Variants in TTC27 observed in about 807,000 individuals in gnomAD.
The protein encoded by TTC27 is tetratricopeptide repeat domain 27.
A neutral mutation model predicts 115.9 loss-of-function variants in TTC27; 79 were observed. That is an observed-to-expected ratio of 0.68 (90% CI 0.57 to 0.82). The LOEUF (loss-of-function observed/expected upper bound fraction) is 0.82, where lower values mean the gene tolerates loss of function less well. Among genes scored for constraint, TTC27 ranks in the 40% least tolerant of loss-of-function variants. The probability of loss-of-function intolerance (pLI) is 0.00; values close to 1 mark genes in which losing one functional copy is unlikely to be tolerated. For missense variants in TTC27, 1,054 were observed against 993.1 expected (o/e 1.06, Z -0.82); for synonymous variants, 401 against 356.0 (o/e 1.13, Z -1.42).
intron 9 of TTC27, among the ~76,000 whole-genome samples, chr2:32,696,428 T>G (rs1408882409): frequency 1.3e-5 from 2 of 151,912 alleles, no homozygotes; most frequent in Non-Finnish European, 2.9e-5. Flanking sequence ...TAGCTGGGAT[T>G]CCAGGTGCCC....
intron 12 of TTC27, among the ~76,000 whole-genome samples, chr2:32,748,541 T>C (rs1216000566): frequency 6.6e-6 from 1 of 152,200 alleles, no homozygotes. Flanking sequence ...AATATTATTG[T>C]TCAGTTGTTT....
chr2:32,646,261 C>T (rs1029578011), intron 4 of TTC27, among the ~76,000 whole-genome samples: 3 of 150,048 alleles, frequency 2.0e-5, no homozygotes, highest in African/African-American at 7.4e-5. Flanking sequence ...ATCTCCTGAC[C>T]TCGTGATCCA....
At chr2:32,782,278 T>C (rs533361537) in intron 14 of TTC27, among the ~76,000 whole-genome samples, 316 of 152,222 alleles carry the variant, frequency 2.1e-3, no homozygotes, top group African/African-American at 7.3e-3. Flanking sequence ...ATTTTTAAGA[T>C]AGGAAAAAAC....
chr2:32,649,031 T>TA (rs994456443), intron 4 of TTC27, among the ~76,000 whole-genome samples: 1 of 151,502 alleles, frequency 6.6e-6, no homozygotes, highest in Non-Finnish European at 1.5e-5. Flanking sequence ...AAATAAAAAA[T>TA]AAAAAAAAGC....
chr2:32,703,599 C>T (rs1426959878), intron 10 of TTC27, among the ~76,000 whole-genome samples: 6 of 152,094 alleles, frequency 3.9e-5, no homozygotes, highest in African/African-American at 1.4e-4. Flanking sequence ...CATCCTGATG[C>T]AAAAAATATT....
At position 32,812,587 on chromosome 2, in the gene TTC27, T is replaced by TGTTCAAAGAGCCTTAGGACTTGCAC. The variant is rs1671352108; in HGVS notation, c.2281_2305dup (p.His769ArgfsTer16). ...AAGATATTACATCATTTAAGGAAGT[T>TGTTCAAAGAGCCTTAGGACTTGCAC]GTTCAAAGAGCCTTAGGACTTGCAC... On this transcript the variant is annotated frameshift_variant, in exon 18 of 20. Coordinates refer to ENST00000317907, the MANE Select transcript of TTC27 (RefSeq NM_017735.5). LOFTEE classifies it high-confidence loss of function. 1 of 1,613,892 alleles carries TGTTCAAAGAGCCTTAGGACTTGCAC rather than the reference T, an allele frequency of 6.2e-7. No individual in the cohort carries two copies. Among genetic ancestry groups the TGTTCAAAGAGCCTTAGGACTTGCAC allele is most frequent in the African/African-American group, 1.3e-5 (1 of 74,942 alleles).
intron 12 of TTC27, among the ~76,000 whole-genome samples, chr2:32,739,763 C>T (rs940122018): frequency 8.5e-5 from 13 of 152,068 alleles, no homozygotes; most frequent in Non-Finnish European, 1.8e-4. Flanking sequence ...AGTTTTGCTG[C>T]AATTTAGAAG....
intron 12 of TTC27, among the ~76,000 whole-genome samples, chr2:32,738,025 T>C (rs1406950331): frequency 6.6e-6 from 1 of 152,056 alleles, no homozygotes; most frequent in African/African-American, 2.4e-5. Context: ...CAAAAAAATA[T>C]TGATAGAGTT....
At chr2:32,712,552 T>A (rs1258987905) in intron 10 of TTC27, among the ~76,000 whole-genome samples, 1 of 151,986 alleles carries the variant, frequency 6.6e-6, no homozygotes, top group African/African-American at 2.4e-5. Flanking sequence ...AAATTCTTTT[T>A]TTTTCTTTTT....
At position 32,700,786 on chromosome 2, in the gene TTC27, C is replaced by T. The variant is rs575766334; in HGVS notation, c.1120-2021C>T. Among the ~76,000 whole-genome samples, 85 of 152,240 alleles carry T rather than the reference C, an allele frequency of 5.6e-4. 1 individual carries two copies. Among genetic ancestry groups the T allele is most frequent in the Admixed American group, 4.1e-3 (62 of 15,278 alleles). On this transcript the variant is annotated intron_variant, in intron 9 of 19. Transcript: ENST00000317907. ...AACTCCTGACCTTAGGTGATCCACCCGCGTCAGCCTCCCAAAGTGCTGGGA... is the reference window on the plus strand; with the variant it reads ...AACTCCTGACCTTAGGTGATCCACCTGCGTCAGCCTCCCAAAGTGCTGGGA...
At chr2:32,632,922 T>C (rs966265203) in intron 2 of TTC27, among the ~76,000 whole-genome samples, 2 of 152,214 alleles carry the variant, frequency 1.3e-5, no homozygotes, top group African/African-American at 4.8e-5. Flanking sequence ...AAAACAAACA[T>C]GATATGCAAA....
At chr2:32,754,049 G>T (rs1384665965) in intron 12 of TTC27, among the ~76,000 whole-genome samples, 1 of 151,036 alleles carries the variant, frequency 6.6e-6, no homozygotes, top group African/African-American at 2.4e-5. Flanking sequence ...CTCCAGCCTG[G>T]GCGACAGAAG....
chr2:32,664,102 C>G (rs1271085127), intron 5 of TTC27, among the ~76,000 whole-genome samples: 2 of 152,040 alleles, frequency 1.3e-5, no homozygotes, highest in Non-Finnish European at 2.9e-5. Flanking sequence ...ATGTCCTTAG[C>G]TCATGTCTGG....
At position 32,817,458 on chromosome 2, in the gene TTC27, G is replaced by T. The variant is rs1297174155; in HGVS notation, c.2310G>T (p.Val770=). ...TTTCTCTCCATACTTATCTTCCAGT[G>T]GCCATAAAATGCAGTAAAAACAAAT... ...VVQRALGLAH[V]AIKCSKNKSS... The change falls in exon 19 of 20, where the codon GTG becomes GTT. Residue 770 remains valine, a splice_region_variant and synonymous_variant. Transcript: ENST00000317907. 4.3e-6 allele frequency: 7 copies of T among 1,612,514 alleles called. No individual in the cohort carries two copies. The highest frequency in any genetic ancestry group is 5.9e-6 in the Non-Finnish European group (7 of 1,178,808).
chr2:32,655,577 T>G (rs1009324297), intron 5 of TTC27, among the ~76,000 whole-genome samples: 1 of 152,232 alleles, frequency 6.6e-6, no homozygotes, highest in Non-Finnish European at 1.5e-5. Flanking sequence ...TATAAAATAA[T>G]GTGACGTTTT....
At chr2:32,767,462 T>TG (rs1207887668) in intron 13 of TTC27, among the ~76,000 whole-genome samples, 9 of 142,816 alleles carry the variant, frequency 6.3e-5, no homozygotes, top group Non-Finnish European at 1.2e-4. Context: ...TGTTTTTTTT[T>TG]TTTTTTTTGA....
intron 2 of TTC27, 62 bp from the exon 3 acceptor site, chr2:32,633,814 G>A: frequency 6.6e-7 from 1 of 1,516,374 alleles, no homozygotes; most frequent in Non-Finnish European, 9.0e-7. Context: ...ATGGAATAGT[G>A]TGTTTGAGAT....
intron 5 of TTC27, among the ~76,000 whole-genome samples, chr2:32,651,422 C>A (rs1469549770): frequency 6.6e-6 from 1 of 152,346 alleles, no homozygotes; most frequent in Middle Eastern, 3.4e-3. Flanking sequence ...TCTCGGCTCA[C>A]TGCAACCTCC....
At chr2:32,680,365 G>A (rs1666375816) in intron 9 of TTC27, among the ~76,000 whole-genome samples, 1 of 152,148 alleles carries the variant, frequency 6.6e-6, no homozygotes. Context: ...AGTCATTGGG[G>A]ATTTAGCAGT....
Sources: gnomAD v4.1 joint callset for allele counts (sites outside exome capture counted in the v4.1 genomes callset) on GRCh38, gnomAD v4.1.1 for gene constraint, MANE v1.5 for transcripts, NCBI Gene and HGNC (gene_info 2026-07-23, HGNC 2026-07-21) for gene names.